UBAP1: variants seen among roughly 807,000 people sequenced by gnomAD.
UBAP1 encodes the protein ubiquitin associated protein 1.
Under a neutral mutation model 39.0 loss-of-function variants are expected in UBAP1, and 5 were observed. The ratio of observed to expected loss-of-function variants is 0.13; its 90% CI spans 0.07 to 0.27. The LOEUF is 0.27. Ranked by LOEUF, UBAP1 falls within the 10% of genes least tolerant of loss-of-function variation. The pLI, the probability that UBAP1 is intolerant of heterozygous loss-of-function variation, is 1.00. For synonymous variants in UBAP1, 211 were observed against 225.1 expected (o/e 0.94, Z 0.56); for missense variants, 490 against 608.1 (o/e 0.81, Z 2.04).
At chr9:34,199,256 G>A (rs926213455) in intron 1 of UBAP1, among the ~76,000 whole-genome samples, 1 of 152,108 alleles carries the variant, frequency 6.6e-6, no homozygotes, top group African/African-American at 2.4e-5. Context: ...TGTATTTTTA[G>A]TAGAGATGGG....
intron 2 of UBAP1, among the ~76,000 whole-genome samples, chr9:34,232,974 T>A (rs577678413): frequency 6.6e-6 from 1 of 152,142 alleles, no homozygotes; most frequent in Admixed American, 6.5e-5. Flanking sequence ...TAAGAGGCGT[T>A]TTCCTTTTAT....
chr9:34,219,784 C>CCTTTCCCATCTCCA (rs1832577161), intron 1 of UBAP1, among the ~76,000 whole-genome samples: 1 of 65,600 alleles, frequency 1.5e-5, no homozygotes, highest in African/African-American at 6.4e-5. Context: ...TCTCCTCTCC[C>CCTTTCCCATCTCCA]CTTTCCCATC....
intron 1 of UBAP1, among the ~76,000 whole-genome samples, chr9:34,183,066 C>CT (rs1830181167): frequency 1.3e-5 from 2 of 152,188 alleles, no homozygotes; most frequent in Non-Finnish European, 2.9e-5. Context: ...GCGTGAGCCA[C>CT]TGTGCCTGGC....
At chr9:34,250,048 T>A in intron 5 of UBAP1, 87 bp downstream of exon 5, 1 of 1,404,966 alleles carries the variant, frequency 7.1e-7, no homozygotes, top group Non-Finnish European at 9.8e-7. Flanking sequence ...CTCAGACTTG[T>A]AGCACCAACC....
Position 34,241,633 on chromosome 9 carries a change from G to T in UBAP1, c.608G>T (p.Gly203Val). Residue 203 changes from glycine (G) to valine (V), a missense_variant, in exon 4 of 7, where the codon GGA becomes GTA. Gly to Val is a moderately radical substitution (Grantham distance 109, BLOSUM62 -3). This residue lies in a region of UBAP1 where 339 missense variants were observed against 390.0 expected (regional missense o/e 0.87). Transcript: ENST00000297661. ...TTATTGGACAATAACTTGCCCAGGGGAGGCTCTGGGTCTGTGTTACAGGAT... is the reference window on the plus strand; with the variant it reads ...TTATTGGACAATAACTTGCCCAGGGTAGGCTCTGGGTCTGTGTTACAGGAT... ...AQLLDNNLPR[G>V]GSGSVLQDEE... is the part of the protein sequence containing the mutation. 1 of 1,614,056 alleles carries T rather than the reference G, an allele frequency of 6.2e-7. No homozygotes were observed. Among genetic ancestry groups the T allele is most frequent in the Non-Finnish European group, 8.5e-7 (1 of 1,180,004 alleles).
At position 34,241,839 on chromosome 9, in the gene UBAP1, G is replaced by A. The variant is rs768981531; in HGVS notation, c.814G>A (p.Asp272Asn). 1 of 1,614,020 alleles carries A rather than the reference G, an allele frequency of 6.2e-7. No homozygotes were observed. Among genetic ancestry groups the A allele is most frequent in the Non-Finnish European group, 8.5e-7 (1 of 1,180,006 alleles). ...CAAATCCCTGTCTTTCCCCAAACTT[G>A]ACTCTGATGACAGCAATCAGAAGAC... ...NIKSLSFPKLDSDDSNQKTAK... is the reference protein window; with the variant it reads ...NIKSLSFPKLNSDDSNQKTAK... The change falls in exon 4 of 7, where the codon GAC becomes AAC. Residue 272 changes from aspartate (D) to asparagine (N), a missense_variant. Coordinates refer to ENST00000297661, the MANE Select transcript of UBAP1 (RefSeq NM_016525.5).
Position 34,241,397 on chromosome 9 carries a change from G to A in UBAP1, c.372G>A (p.Leu124=). The change falls in exon 4 of 7, where the codon TTG becomes TTA. Residue 124 remains leucine (L), a synonymous_variant. Transcript: ENST00000297661. ...CTATTAACCCCATCCTCGCCAGCTT[G>A]CAGCACAACAGCATCCTCACACCAA... The part of the protein sequence containing the change: ...PPPINPILAS[L]QHNSILTPTR... 6.4e-7 allele frequency: 1 copy of A among 1,568,736 alleles called. No homozygotes were observed. Among genetic ancestry groups the A allele is most frequent in the Non-Finnish European group, 8.6e-7 (1 of 1,157,270 alleles).
intron 1 of UBAP1, among the ~76,000 whole-genome samples, chr9:34,219,239 A>G (rs889414652): frequency 3.3e-5 from 5 of 151,884 alleles, no homozygotes; most frequent in African/African-American, 1.2e-4. Flanking sequence ...CAGGCATGCA[A>G]CACCACACCG....
chr9:34,228,437 AAAAG>A (rs1194071519), intron 2 of UBAP1, among the ~76,000 whole-genome samples: 28 of 151,934 alleles, frequency 1.8e-4, no homozygotes, highest in African/African-American at 6.0e-4. Flanking sequence ...AAAAAAAAGA[AAAAG>A]AAAAGCTAAT....
At chr9:34,216,642 ATTTTTTTTTTTTT>A (rs57204146) in intron 1 of UBAP1, among the ~76,000 whole-genome samples, 14 of 70,186 alleles carry the variant, frequency 2.0e-4, no homozygotes, top group African/African-American at 5.1e-4. Flanking sequence ...CACCATGCTA[ATTTTTTTTTTTTT>A]TTTTTTTTTT....
chr9:34,218,790 G>C (rs1273669790), intron 1 of UBAP1, among the ~76,000 whole-genome samples: 3 of 152,178 alleles, frequency 2.0e-5, no homozygotes, highest in African/African-American at 7.2e-5. Context: ...AAAATAATTA[G>C]CCGGGTGTGA....
chr9:34,217,456 G>A (rs1832389783), intron 1 of UBAP1, among the ~76,000 whole-genome samples: 1 of 152,042 alleles, frequency 6.6e-6, no homozygotes, highest in Admixed American at 6.6e-5. Context: ...GGCTGGTCTC[G>A]AATTCCTGAC....
intron 1 of UBAP1, among the ~76,000 whole-genome samples, chr9:34,207,048 C>CTTTTTT (rs34197502): frequency 1.7e-3 from 153 of 89,994 alleles, no homozygotes; most frequent in Non-Finnish European, 1.9e-3. Context: ...ATTGTTATTT[C>CTTTTTT]TTTTTTTTTT....
rs1554644659 is a variant in UBAP1, at chr9:34,181,116, C to CTTTTTTCTT, written c.-8+1882_-8+1883insCTTTTTTTT. Among the ~76,000 whole-genome samples the CTTTTTTCTT allele has an allele frequency of 1.0e-3, 73 of 72,270 alleles. 1 individual carries two copies. Among genetic ancestry groups the CTTTTTTCTT allele is most frequent in the African/African-American group, 3.7e-3 (70 of 18,974 alleles). 47.4% of individuals were successfully genotyped at this position (72,270 alleles called of 152,430 possible). On this transcript the variant is annotated intron_variant, in intron 1 of 6. Transcript: ENST00000297661. The stretch of plus-strand genomic sequence containing the variant: ...TGAGCCACCGCACCCGGCCTGTTTT[C>CTTTTTTCTT]TTTTTTTTTTTTTTTTTGAGACAGA...
intron 1 of UBAP1, among the ~76,000 whole-genome samples, chr9:34,210,113 G>A (rs946858216): frequency 6.6e-6 from 1 of 152,152 alleles, no homozygotes; most frequent in Non-Finnish European, 1.5e-5. Context: ...TGAATTAAAA[G>A]AAATTGATGC....
intron 1 of UBAP1, among the ~76,000 whole-genome samples, chr9:34,181,117 T>TTTTTTTTC (rs1554644665): frequency 2.0e-4 from 8 of 40,732 alleles, no homozygotes; most frequent in African/African-American, 4.2e-4. Context: ...GCCTGTTTTC[T>TTTTTTTTC]TTTTTTTTTT....
chr9:34,209,702 A>AT (rs4008754), intron 1 of UBAP1, among the ~76,000 whole-genome samples: 28 of 150,710 alleles, frequency 1.9e-4, no homozygotes, highest in African/African-American at 2.4e-4. Flanking sequence ...TTAGTTACCT[A>AT]TTTTTTTTTT....
At chr9:34,248,836 TA>T (rs1314183729) in intron 4 of UBAP1, among the ~76,000 whole-genome samples, 4 of 152,136 alleles carry the variant, frequency 2.6e-5, no homozygotes, top group Non-Finnish European at 5.9e-5. Context: ...AACAAGGAAA[TA>T]AAAAAATTTT....
In UBAP1 at chr9:34,252,497, GAAC is replaced by G. The variant is rs1834627117; in HGVS notation, c.*966_*968del. ...ACTAACTATTTTGATTCTTCAGAGA[GAAC>G]TACTAATAAAAATCTAAAAGGTATG... is the stretch of plus-strand genomic sequence containing the variant. On this transcript the variant is annotated 3_prime_UTR_variant, in exon 7 of 7. Transcript: ENST00000297661. 1.3e-5 allele frequency: 2 copies of G among 152,492 alleles called. No individual in the cohort carries two copies. The highest frequency in any genetic ancestry group is 4.8e-5 in the African/African-American group (2 of 41,396). 9.4% of individuals were successfully genotyped at this position (152,492 alleles called of 1,614,324 possible). A position where few individuals can be genotyped will look rare whatever the true frequency, so the allele number is the denominator to read the frequency against.
Sources: gnomAD v4.1 joint callset for allele counts (sites outside exome capture counted in the v4.1 genomes callset) on GRCh38, gnomAD v4.1.1 for gene constraint, gnomAD v4.1.1 regional missense constraint, MANE v1.5 for transcripts, NCBI Gene and HGNC (gene_info 2026-07-23, HGNC 2026-07-21) for gene names.